The following PCM1 variants were observed in gnomAD, a reference collection of about 807,000 sequenced individuals.
The protein encoded by PCM1 is pericentriolar material 1 protein.
Under a neutral mutation model 241.9 loss-of-function variants are expected in PCM1, and 157 were observed. That is an observed-to-expected ratio of 0.65 (90% CI 0.57 to 0.74). PCM1 has a LOEUF of 0.74. PCM1 is among the 30% of genes least tolerant of loss of function. PCM1 has a pLI of 0.00. For synonymous variants in PCM1, 1,085 were observed against 784.9 expected (o/e 1.38, Z -6.39); for missense variants, 3,478 against 2,360.1 (o/e 1.47, Z -9.81).
At chr8:17,937,511 A>G in intron 4 of PCM1, 132 bp downstream of exon 4, 1 of 743,826 alleles carries the variant, frequency 1.3e-6, no homozygotes, top group Non-Finnish European at 2.1e-6. Context: ...GCCTATGGAA[A>G]GAATTTTAAT....
Position 17,971,841 on chromosome 8 carries a change from T to C in PCM1, c.3585-488T>C, listed in dbSNP as rs186717434. 3.3e-3 allele frequency among the ~76,000 whole-genome samples: 509 copies of C among 152,322 alleles called. 4 individuals are homozygous for C. The highest frequency in any genetic ancestry group is 0.01 in the Middle Eastern group (3 of 294). On this transcript the variant is annotated intron_variant, in intron 22 of 38. Transcript: ENST00000325083. ...TCACTGCCTCCTTGAATTCCTGGGCTCAAGGGATCCTCCTGCCTCAGCCCC... is the reference window on the plus strand; with the variant it reads ...TCACTGCCTCCTTGAATTCCTGGGCCCAAGGGATCCTCCTGCCTCAGCCCC...
At chr8:17,971,628 A>G (rs1427577158) in intron 22 of PCM1, among the ~76,000 whole-genome samples, 1 of 152,178 alleles carries the variant, frequency 6.6e-6, no homozygotes, top group Non-Finnish European at 1.5e-5. Flanking sequence ...TTCTACTTGA[A>G]CTGCTTTAGG....
At chr8:17,992,642 A>T (rs1437565606) in intron 28 of PCM1, among the ~76,000 whole-genome samples, 3 of 142,572 alleles carry the variant, frequency 2.1e-5, no homozygotes, top group Non-Finnish European at 4.5e-5. Flanking sequence ...ATTTGAGCAC[A>T]GTCTTGCTCT....
intron 36 of PCM1, among the ~76,000 whole-genome samples, chr8:18,016,951 A>AAAAC (rs1230928834): frequency 6.6e-6 from 1 of 152,236 alleles, no homozygotes; most frequent in Non-Finnish European, 1.5e-5. Context: ...AGGAAAATCC[A>AAAAC]AAACAGTTTG....
chr8:17,945,893 T>A (rs1331543261), intron 6 of PCM1, among the ~76,000 whole-genome samples: 2 of 152,176 alleles, frequency 1.3e-5, no homozygotes, highest in African/African-American at 4.8e-5. Context: ...AAATTTAAAA[T>A]TGACTAAGTG....
At position 17,977,446 on chromosome 8, in the gene PCM1, G is replaced by A. The variant is rs544642359; in HGVS notation, c.3944-3145G>A. Reference sequence around the variant, plus strand: ...CAGATAATAAATTGACAATATTTGGGAAAATTATTTGTTGTTAGTAGACCT... The same window carrying A: ...CAGATAATAAATTGACAATATTTGGAAAAATTATTTGTTGTTAGTAGACCT... On this transcript the variant is annotated intron_variant, in intron 23 of 38. Transcript: ENST00000325083. Among the ~76,000 whole-genome samples, 3 of 152,296 alleles carry A rather than the reference G, an allele frequency of 2.0e-5. No homozygotes were observed. The East Asian group carries it at 5.8e-4, about 29-fold the overall frequency.
chr8:18,016,328 G>A (rs944528616), intron 36 of PCM1, among the ~76,000 whole-genome samples: 1 of 152,138 alleles, frequency 6.6e-6, no homozygotes, highest in Admixed American at 6.5e-5. Flanking sequence ...AAGACTCTGG[G>A]ACCCCTCTTT....
At position 17,955,631 on chromosome 8, in the gene PCM1, C is replaced by T. The variant is rs1342668716; in HGVS notation, c.1450C>T (p.Leu484Phe). The T allele has an allele frequency of 1.2e-6, 2 of 1,612,698 alleles. No individual in the cohort carries two copies. Among genetic ancestry groups the T allele is most frequent in the Non-Finnish European group, 1.7e-6 (2 of 1,178,924 alleles). ...SQNESENEGH[L>F]NPSEKLQKLN... is the part of the protein sequence containing the mutation. ...GAATGAGAGTGAAAACGAAGGCCAC[C>T]TCAATCCATCTGAAAAACTCCAGTA... Residue 484 changes from leucine to phenylalanine, a missense_variant, in exon 10 of 39, where the codon CTC becomes TTC. Transcript: ENST00000325083.
At position 17,953,046 on chromosome 8, in the gene PCM1, C is replaced by T. The variant is rs2066679133; in HGVS notation, c.1148C>T (p.Pro383Leu). The T allele has an allele frequency of 6.2e-7, 1 of 1,607,386 alleles. No individual in the cohort carries two copies. Among genetic ancestry groups the T allele is most frequent in the Non-Finnish European group, 8.5e-7 (1 of 1,176,620 alleles). The change falls in exon 9 of 39, where the codon CCA (proline) becomes CTA (leucine). Residue 383 changes from proline to leucine, a missense_variant. Pro to Leu is a moderately conservative substitution (Grantham distance 98). Transcript: ENST00000325083. The stretch of plus-strand genomic sequence containing the variant: ...AGGGAGGTTTCCCAGAGCAGGAAAC[C>T]ATCAGCTTCAGAACGTTTACCTGAT... Reference protein sequence around the residue: ...LTREVSQSRKPSASERLPDEK... With the variant: ...LTREVSQSRKLSASERLPDEK...
At chr8:17,948,179 T>G (rs990831423) in intron 7 of PCM1, among the ~76,000 whole-genome samples, 1 of 152,140 alleles carries the variant, frequency 6.6e-6, no homozygotes, top group Non-Finnish European at 1.5e-5. Context: ...TACCCTGTTG[T>G]GAATCAGTTT....
At chr8:17,968,099 G>T (rs2075583433) in intron 21 of PCM1, among the ~76,000 whole-genome samples, 1 of 150,958 alleles carries the variant, frequency 6.6e-6, no homozygotes, top group South Asian at 2.1e-4. Flanking sequence ...AGAATGAATA[G>T]AATTTATTTC....
intron 36 of PCM1, among the ~76,000 whole-genome samples, chr8:18,023,581 A>G (rs773493711): frequency 2.6e-5 from 4 of 152,200 alleles, no homozygotes; most frequent in Non-Finnish European, 5.9e-5. Flanking sequence ...TTAATTAGAT[A>G]TTGTTGCCCC....
chr8:17,966,463 A>G lies in PCM1; in HGVS notation c.3211A>G (p.Asn1071Asp), dbSNP rs916298950. Residue 1071 changes from asparagine to aspartate, a missense_variant, in exon 20 of 39, where the codon AAT becomes GAT. Asn to Asp is a conservative substitution (Grantham distance 23). Coordinates refer to ENST00000325083, the MANE Select transcript of PCM1 (RefSeq NM_006197.4). ...TACTCAGCTAACATGGCAACAGAAT[A>G]ATGTTCAGAGGTAATCTGTTTCTTA... ...CYTQLTWQQN[N>D]VQRLKQMLNE... 4.3e-6 allele frequency: 7 copies of G among 1,613,522 alleles called. No homozygotes were observed. Among genetic ancestry groups the G allele is most frequent in the Non-Finnish European group, 5.9e-6 (7 of 1,179,678 alleles).
At chr8:17,975,413 T>C (rs1042876124) in intron 23 of PCM1, among the ~76,000 whole-genome samples, 1 of 152,094 alleles carries the variant, frequency 6.6e-6, no homozygotes, top group Non-Finnish European at 1.5e-5. Context: ...TCCACCCCCA[T>C]TGGCCTCCGG....
intron 28 of PCM1, among the ~76,000 whole-genome samples, chr8:17,992,401 C>G (rs2084996296): frequency 6.6e-6 from 1 of 152,102 alleles, no homozygotes; most frequent in Admixed American, 6.6e-5. Flanking sequence ...CACATCCACA[C>G]TAACATCTAT....
chr8:18,025,462 C>A lies in PCM1; in HGVS notation c.5934+9C>A, dbSNP rs1487006447. 1.9e-6 allele frequency: 3 copies of A among 1,549,374 alleles called. No individual in the cohort carries two copies. The highest frequency in any genetic ancestry group is 2.7e-6 in the Non-Finnish European group (3 of 1,128,088). ...TGACAATATATTCAGAGGTATTTAG[C>A]TGTCTTTAATTAAACTTGTCTTTAC... On this transcript the variant is annotated intron_variant, in intron 37 of 38. Coordinates refer to ENST00000325083, the MANE Select transcript of PCM1 (RefSeq NM_006197.4).
At chr8:17,966,884 C>A in intron 20 of PCM1, 96 bp from the exon 21 acceptor site, 1 of 1,164,120 alleles carries the variant, frequency 8.6e-7, no homozygotes, top group Non-Finnish European at 1.2e-6. Flanking sequence ...TGTCTGCATG[C>A]TTTTGAATCA....
At chr8:17,963,335 C>T (rs995190786) in intron 17 of PCM1, 44 bp downstream of exon 17, 14 of 1,453,062 alleles carry the variant, frequency 9.6e-6, no homozygotes, top group African/African-American at 1.4e-5. Context: ...TGTCACCTGC[C>T]GAAGATTGAC....
chr8:17,949,620 C>G (rs1232424554), intron 7 of PCM1, among the ~76,000 whole-genome samples: 1 of 151,972 alleles, frequency 6.6e-6, no homozygotes, highest in Non-Finnish European at 1.5e-5. Flanking sequence ...ACCCCAGCCT[C>G]CTGAATAGCT....
Sources: allele counts gnomAD v4.1 joint callset (sites outside exome capture counted in the v4.1 genomes callset), GRCh38; gene constraint gnomAD v4.1.1; transcripts MANE v1.5; gene names NCBI Gene and HGNC (gene_info 2026-07-23, HGNC 2026-07-21).